Variants in BAZ2B observed in about 807,000 individuals in gnomAD.
BAZ2B encodes the protein bromodomain adjacent to zinc finger domain 2B.
A neutral mutation model predicts 246.0 loss-of-function variants in BAZ2B; 91 were observed. That is an observed-to-expected ratio of 0.37 (90% CI 0.31 to 0.44). The LOEUF is 0.44. BAZ2B is among the 20% of genes least tolerant of loss of function. The pLI is 1.00. For synonymous variants in BAZ2B, 855 were observed against 860.0 expected (o/e 0.99, Z 0.10); for missense variants, 2,332 against 2,533.7 (o/e 0.92, Z 1.71).
intron 2 of BAZ2B, among the ~76,000 whole-genome samples, chr2:159,511,098 A>G (rs1301914515): frequency 1.3e-5 from 2 of 152,196 alleles, no homozygotes; most frequent in African/African-American, 4.8e-5. Context: ...CAAATCATCA[A>G]AAAATATTCA....
chr2:159,619,107 A>G (rs1201260072), upstream of BAZ2B, among the ~76,000 whole-genome samples: 2 of 152,046 alleles, frequency 1.3e-5, no homozygotes, highest in African/African-American at 2.4e-5. Context: ...CTACAGAAAA[A>G]ACAATATATG....
chr2:159,443,619 A>G lies in BAZ2B; in HGVS notation c.696+3163T>C, dbSNP rs920255521. Among the ~76,000 whole-genome samples, 7 of 152,286 alleles carry G rather than the reference A, an allele frequency of 4.6e-5. No homozygotes were observed. In the East Asian group the frequency reaches 5.8e-4, roughly 13 times the overall value. ...CTCCCACAAACCCATGCTGAACCAC[A>G]TATCATCTGAAAGTGCTGTTCTTTT... is the stretch of plus-strand genomic sequence containing the variant. On this transcript the variant is annotated intron_variant, in intron 6 of 36. Coordinates refer to ENST00000392783, the MANE Select transcript of BAZ2B (RefSeq NM_013450.4).
At chr2:159,503,128 T>C (rs145412770) in intron 2 of BAZ2B, among the ~76,000 whole-genome samples, 136 of 152,268 alleles carry the variant, frequency 8.9e-4, no homozygotes, top group African/African-American at 3.1e-3. Flanking sequence ...ATCTTTTTAA[T>C]ATAAAAATCT....
chr2:159,322,333 C>T (rs2062814629), intron 36 of BAZ2B, among the ~76,000 whole-genome samples: 1 of 152,174 alleles, frequency 6.6e-6, no homozygotes, highest in Non-Finnish European at 1.5e-5. Flanking sequence ...TAAGTCACAA[C>T]ACTGTATTAT....
the BAZ2B span, among the ~76,000 whole-genome samples, chr2:159,676,988 ATATATATT>A: frequency 8.7e-6 from 1 of 114,898 alleles, no homozygotes; most frequent in Non-Finnish European, 1.8e-5. Flanking sequence ...ATATATATAT[ATATATATT>A]ACAATTTTTA....
chr2:159,367,652 G>C (rs1262961757), intron 27 of BAZ2B, among the ~76,000 whole-genome samples: 1 of 152,076 alleles, frequency 6.6e-6, no homozygotes, highest in Non-Finnish European at 1.5e-5. Context: ...TTGGGAGGCC[G>C]AGGTAGGCAG....
intron 34 of BAZ2B, among the ~76,000 whole-genome samples, chr2:159,327,310 TAC>T (rs2063855257): frequency 6.6e-6 from 1 of 152,238 alleles, no homozygotes; most frequent in African/African-American, 2.4e-5. Flanking sequence ...CCCCTGCCAG[TAC>T]CTTACTTAAA....
chr2:159,706,161 T>C, the BAZ2B span, among the ~76,000 whole-genome samples: 9 of 151,212 alleles, frequency 6.0e-5, no homozygotes, highest in African/African-American at 9.7e-5. Flanking sequence ...GGATACACAG[T>C]AGTTGGTCAA....
chr2:159,603,177 G>C (rs1692583571), intron 1 of BAZ2B, among the ~76,000 whole-genome samples: 1 of 152,176 alleles, frequency 6.6e-6, no homozygotes, highest in Non-Finnish European at 1.5e-5. Context: ...AATGCCCTAA[G>C]ATTGGATAAA....
At position 159,438,315 on chromosome 2, in the gene BAZ2B, C is replaced by T; in HGVS notation, c.1281G>A (p.Leu427=). The T allele has an allele frequency of 6.2e-7, 1 of 1,612,922 alleles. No homozygotes were observed. The highest frequency in any genetic ancestry group is 8.5e-7 in the Non-Finnish European group (1 of 1,179,654). The part of the protein sequence containing the change: ...SEESSLLTSE[L]RSKREQYKQA... ...ATTTGTAACTCACCCGTTTGGATCTCAATTCACTGGTCAATAAACTAGATT... is the reference window on the plus strand; with the variant it reads ...ATTTGTAACTCACCCGTTTGGATCTTAATTCACTGGTCAATAAACTAGATT... Residue 427 remains leucine, a synonymous_variant, in exon 8 of 37, where the codon TTG becomes TTA. Transcript: ENST00000392783.
intron 2 of BAZ2B, among the ~76,000 whole-genome samples, chr2:159,491,511 G>A (rs577446364): frequency 1.9e-4 from 29 of 151,248 alleles, no homozygotes; most frequent in African/African-American, 6.8e-4. Flanking sequence ...ACGAGGTCAG[G>A]AGATCGAGAC....
rs1417536335 is a variant in BAZ2B at position 159,319,097 on chromosome 2, T to C, written c.*1168A>G. 1 of 152,602 alleles carries C rather than the reference T, an allele frequency of 6.6e-6. No individual in the cohort carries two copies. 9.5% of individuals were successfully genotyped at this position (152,602 alleles called of 1,614,324 possible). A position where few individuals can be genotyped will look rare whatever the true frequency, so the allele number is the denominator to read the frequency against. ...TTTTAAATAAAACTTCAAGTACTCT[T>C]ACGTAGGTACAAAAAAAATCTGATC... On this transcript the variant is annotated 3_prime_UTR_variant, in exon 37 of 37. Coordinates refer to ENST00000392783, the MANE Select transcript of BAZ2B (RefSeq NM_013450.4). The surrounding 1 kb of genome is among the most constrained non-coding windows in gnomAD (Gnocchi z 4.0).
Position 159,382,786 on chromosome 2 carries a change from C to T in BAZ2B, c.3778G>A (p.Ala1260Thr). Residue 1260 changes from alanine (A) to threonine (T), a missense_variant, in exon 25 of 37, where the codon GCT (alanine) becomes ACT (threonine). Coordinates refer to ENST00000392783, the MANE Select transcript of BAZ2B (RefSeq NM_013450.4). ...GKLRKLRIIH[A>T]KKTGKRDTSG... is the part of the protein sequence containing the mutation. ...GTGTCTCTTTTGCCTGTTTTCTTAG[C>T]ATGAATGATTCTGAGCCTTTAAATA... is the stretch of plus-strand genomic sequence containing the variant. 2 of 1,613,244 alleles carry T rather than the reference C, an allele frequency of 1.2e-6. No homozygotes were observed. Among genetic ancestry groups the T allele is most frequent in the Non-Finnish European group, 1.7e-6 (2 of 1,179,516 alleles).
At chr2:159,558,366 C>G (rs1452756460) in intron 1 of BAZ2B, among the ~76,000 whole-genome samples, 1 of 152,172 alleles carries the variant, frequency 6.6e-6, no homozygotes, top group Non-Finnish European at 1.5e-5. Context: ...AAGCAATTCT[C>G]CCGCCTCAGC....
chr2:159,445,977 G>C (rs1217994078), intron 6 of BAZ2B, among the ~76,000 whole-genome samples: 1 of 152,060 alleles, frequency 6.6e-6, no homozygotes, highest in South Asian at 2.1e-4. Flanking sequence ...ACCTCGGTGT[G>C]GTAGCATGCA....
At chr2:159,493,558 A>G (rs1365831835) in intron 2 of BAZ2B, among the ~76,000 whole-genome samples, 1 of 152,262 alleles carries the variant, frequency 6.6e-6, no homozygotes, top group Non-Finnish European at 1.5e-5. Context: ...AGAAACTTAA[A>G]CTAATATCAT....
At chr2:159,564,098 A>T in intron 1 of BAZ2B, among the ~76,000 whole-genome samples, 1 of 152,242 alleles carries the variant, frequency 6.6e-6, no homozygotes, top group South Asian at 2.1e-4. Context: ...GATAAGTACT[A>T]CACTGAAGGG....
Position 159,555,851 on chromosome 2 carries a change from T to C in BAZ2B, c.-31A>G, listed in dbSNP as rs1160098506. 6.9e-6 allele frequency: 1 copy of C among 144,852 alleles called. No homozygotes were observed. The highest frequency in any genetic ancestry group is 1.5e-5 in the Non-Finnish European group (1 of 66,658). 9.0% of individuals were successfully genotyped at this position (144,852 alleles called of 1,614,324 possible). A position where few individuals can be genotyped will look rare whatever the true frequency, so the allele number is the denominator to read the frequency against. On this transcript the variant is annotated 5_prime_UTR_variant, in exon 2 of 37. It removes an upstream start codon present in the reference 5' UTR. Transcript: ENST00000392783. ...GATCAATGTGGTCAATCTTGTGACA[T>C]CACTGTTGGGAAACCTGCAATAGGA...
At chr2:159,609,039 A>G (rs914070646) in intron 1 of BAZ2B, among the ~76,000 whole-genome samples, 5 of 152,214 alleles carry the variant, frequency 3.3e-5, no homozygotes, top group African/African-American at 1.2e-4. Flanking sequence ...TACACAAATC[A>G]AAGCACAGCT....
Sources: gnomAD v4.1 joint callset for allele counts (sites outside exome capture counted in the v4.1 genomes callset) on GRCh38, gnomAD v4.1.1 for gene constraint, Gnocchi (gnomAD v3.1) non-coding constraint, MANE v1.5 for transcripts, NCBI Gene and HGNC (gene_info 2026-07-23, HGNC 2026-07-21) for gene names.